ZBTB20: variants seen among roughly 807,000 people sequenced by gnomAD.
ZBTB20 encodes zinc finger and BTB domain-containing protein 20.
ZBTB20 carries 9 observed loss-of-function variants against 56.9 expected under a neutral mutation model. That is an observed-to-expected ratio of 0.16 (90% CI 0.10 to 0.28). ZBTB20 has a LOEUF of 0.28. Ranked by LOEUF, ZBTB20 falls within the 10% of genes least tolerant of loss-of-function variation. ZBTB20 has a pLI of 1.00. For synonymous variants in ZBTB20, 417 were observed against 420.7 expected, an observed-to-expected ratio of 0.99 and a Z score of 0.11; for missense variants, 655 against 1,003.0, an observed-to-expected ratio of 0.65 and a Z score of 4.69.
chr3:114,751,795 T>C (rs2067579643), intron 5 of ZBTB20, among the ~76,000 whole-genome samples: 1 of 152,166 alleles, frequency 6.6e-6, no homozygotes. Context: ...GTCCACATAA[T>C]GTCATTTATC....
At chr3:114,844,529 A>AAAC (rs2074569130) in intron 4 of ZBTB20, among the ~76,000 whole-genome samples, 1 of 134,304 alleles carries the variant, frequency 7.4e-6, no homozygotes, top group African/African-American at 2.8e-5. Context: ...TCAAAAAAAA[A>AAAC]AAAAAAAAAA....
At chr3:114,646,045 T>A (rs1336891047) in intron 6 of ZBTB20, among the ~76,000 whole-genome samples, 1 of 139,308 alleles carries the variant, frequency 7.2e-6, no homozygotes, top group Non-Finnish European at 1.5e-5. Flanking sequence ...GAGTCAACTT[T>A]TTGGCCTTAG....
intron 6 of ZBTB20, among the ~76,000 whole-genome samples, chr3:114,530,386 G>A (rs1040277621): frequency 5.9e-5 from 9 of 152,172 alleles, no homozygotes; most frequent in Admixed American, 5.9e-4. Context: ...ATGCTGTGCA[G>A]GTTTGAAGCC....
chr3:114,401,023 G>C (rs944623910), intron 7 of ZBTB20, among the ~76,000 whole-genome samples: 1 of 149,608 alleles, frequency 6.7e-6, no homozygotes, highest in Non-Finnish European at 1.5e-5. Flanking sequence ...CATAACCCCT[G>C]GTAACTGAAC....
At chr3:114,554,371 G>A (rs1373449788) in intron 6 of ZBTB20, among the ~76,000 whole-genome samples, 1 of 152,060 alleles carries the variant, frequency 6.6e-6, no homozygotes, top group Non-Finnish European at 1.5e-5. Context: ...AGGGAGAGAT[G>A]GATTTCTGGG....
At chr3:115,028,164 C>T (rs1298983679) in intron 2 of ZBTB20, among the ~76,000 whole-genome samples, 1 of 150,774 alleles carries the variant, frequency 6.6e-6, no homozygotes. Context: ...CCAATATCTC[C>T]TTAAACCCCA....
At chr3:114,795,430 C>T (rs1411927470) in intron 5 of ZBTB20, among the ~76,000 whole-genome samples, 1 of 152,100 alleles carries the variant, frequency 6.6e-6, no homozygotes, top group East Asian at 1.9e-4. Flanking sequence ...TCACTTTGCT[C>T]TGGCCACTCT....
chr3:114,831,368 T>C (rs1156526539), intron 4 of ZBTB20, among the ~76,000 whole-genome samples: 2 of 151,836 alleles, frequency 1.3e-5, no homozygotes, highest in Non-Finnish European at 2.9e-5. Flanking sequence ...GGTGAATATA[T>C]TTAAAGTCTC....
At chr3:114,739,959 G>A (rs1030262484) in intron 5 of ZBTB20, among the ~76,000 whole-genome samples, 2 of 152,276 alleles carry the variant, frequency 1.3e-5, no homozygotes, top group South Asian at 4.2e-4. Flanking sequence ...GCTGGACTAT[G>A]GAAAAGCCTA....
At chr3:114,608,235 G>A (rs1016837492) in intron 6 of ZBTB20, among the ~76,000 whole-genome samples, 3 of 152,162 alleles carry the variant, frequency 2.0e-5, no homozygotes, top group African/African-American at 7.2e-5. Context: ...AGGAAGAAAT[G>A]TAACTATAGG....
At chr3:114,592,456 A>C (rs2055869168) in intron 6 of ZBTB20, among the ~76,000 whole-genome samples, 1 of 152,236 alleles carries the variant, frequency 6.6e-6, no homozygotes, top group Non-Finnish European at 1.5e-5. Flanking sequence ...TGCAGGATAG[A>C]ATTATTAAAA....
rs925466123 is a variant in ZBTB20, at chr3:114,316,002, A to G, written c.*23003T>C. Reference sequence around the variant, plus strand: ...TTCAGTTTTTATTTCAAACATTAAGAGAGTACTGATTTTCACATGGTAGTT... The same window carrying G: ...TTCAGTTTTTATTTCAAACATTAAGGGAGTACTGATTTTCACATGGTAGTT... On this transcript the variant is annotated 3_prime_UTR_variant, in exon 12 of 12. Coordinates refer to ENST00000675478, the MANE Select transcript of ZBTB20 (RefSeq NM_001348800.3). 17 of 161,074 alleles carry G rather than the reference A, an allele frequency of 1.1e-4. No individual in the cohort carries two copies. The highest frequency in any genetic ancestry group is 5.4e-4 in the South Asian group (3 of 5,506). 10.0% of individuals were successfully genotyped at this position (161,074 alleles called of 1,614,324 possible). A position where few individuals can be genotyped will look rare whatever the true frequency, so the allele number is the denominator to read the frequency against.
At chr3:114,656,494 G>A (rs1031472899) in intron 6 of ZBTB20, among the ~76,000 whole-genome samples, 9 of 151,868 alleles carry the variant, frequency 5.9e-5, no homozygotes, top group African/African-American at 2.2e-4. Context: ...ATAGTGGACT[G>A]GTTGATATTG....
chr3:114,342,210 A>AT (rs944643514), intron 11 of ZBTB20, among the ~76,000 whole-genome samples: 16 of 152,080 alleles, frequency 1.1e-4, no homozygotes, highest in Non-Finnish European at 1.9e-4. Context: ...TTTTAAGAAA[A>AT]TTTTTTTTCC....
chr3:114,404,035 T>C (rs1050742687), intron 7 of ZBTB20, among the ~76,000 whole-genome samples: 3 of 152,184 alleles, frequency 2.0e-5, no homozygotes, highest in Non-Finnish European at 4.4e-5. Context: ...TTTCCTCTTG[T>C]TTTGGTAAAT....
intron 4 of ZBTB20, among the ~76,000 whole-genome samples, chr3:114,846,145 C>T (rs780742196): frequency 3.3e-5 from 5 of 151,950 alleles, no homozygotes; most frequent in Non-Finnish European, 7.4e-5. Context: ...CTACATATAC[C>T]TATATAATGT....
At chr3:114,960,634 C>A (rs766386264) in intron 3 of ZBTB20, among the ~76,000 whole-genome samples, 2 of 152,152 alleles carry the variant, frequency 1.3e-5, no homozygotes, top group African/African-American at 2.4e-5. Context: ...ATAAATGTGG[C>A]CTTTAAAATA....
At chr3:114,886,757 A>C (rs1259065594) in intron 4 of ZBTB20, among the ~76,000 whole-genome samples, 1 of 152,228 alleles carries the variant, frequency 6.6e-6, no homozygotes, top group Non-Finnish European at 1.5e-5. Flanking sequence ...AAAATGATTC[A>C]TAATTCCATG....
chr3:114,602,678 G>T (rs964492243), intron 6 of ZBTB20, among the ~76,000 whole-genome samples: 1 of 151,916 alleles, frequency 6.6e-6, no homozygotes, highest in African/African-American at 2.4e-5. Context: ...TTGAAAGACT[G>T]CTTTTGAAAC....
Sources: gnomAD v4.1 joint callset for allele counts (sites outside exome capture counted in the v4.1 genomes callset) on GRCh38, gnomAD v4.1.1 for gene constraint, MANE v1.5 for transcripts, NCBI Gene and HGNC (gene_info 2026-07-23, HGNC 2026-07-21) for gene names.